MTSS1: variants seen among roughly 807,000 people sequenced by gnomAD.
The protein encoded by MTSS1 is protein MTSS 1.
MTSS1 carries 18 observed loss-of-function variants against 79.0 expected under a neutral mutation model. The ratio of observed to expected loss-of-function variants is 0.23; its 90% CI spans 0.16 to 0.34. The LOEUF (loss-of-function observed/expected upper bound fraction) is 0.34. Among genes scored for constraint, MTSS1 ranks in the 10% least tolerant of loss-of-function variants. The pLI is 1.00. For synonymous variants in MTSS1, 341 were observed against 368.6 expected (o/e 0.93, Z 0.86); for missense variants, 815 against 986.2 (o/e 0.83, Z 2.33).
chr8:124,663,104 G>A (rs1822383709), intron 3 of MTSS1, among the ~76,000 whole-genome samples: 1 of 152,130 alleles, frequency 6.6e-6, no homozygotes, highest in Non-Finnish European at 1.5e-5. Flanking sequence ...GCTGGGTTCT[G>A]GAGCCGAAAT....
At chr8:124,563,274 G>A (rs1404890752) in intron 9 of MTSS1, 3 of 445,206 alleles carry the variant, frequency 6.7e-6, no homozygotes, top group Admixed American at 3.9e-5. Flanking sequence ...GCATTCTTAC[G>A]AGGGAGGTCT....
chr8:124,602,097 A>T (rs1310086508), intron 3 of MTSS1, among the ~76,000 whole-genome samples: 1 of 150,738 alleles, frequency 6.6e-6, no homozygotes, highest in East Asian at 1.9e-4. Context: ...GCCACAGTGG[A>T]AGAGGAATTG....
intron 3 of MTSS1, among the ~76,000 whole-genome samples, chr8:124,618,022 A>G (rs1812740157): frequency 6.6e-6 from 1 of 152,172 alleles, no homozygotes; most frequent in African/African-American, 2.4e-5. Flanking sequence ...GTAAAGTATC[A>G]TGTAAGAGTA....
chr8:124,593,019 A>G (rs1248795167), intron 3 of MTSS1, among the ~76,000 whole-genome samples: 1 of 152,220 alleles, frequency 6.6e-6, no homozygotes, highest in Non-Finnish European at 1.5e-5. Context: ...TTTTATGACC[A>G]GAGTCTCTTA....
intron 3 of MTSS1, among the ~76,000 whole-genome samples, chr8:124,645,437 TC>T (rs886734604): frequency 6.6e-6 from 1 of 152,078 alleles, no homozygotes; most frequent in African/African-American, 2.4e-5. Context: ...AATATAAGGC[TC>T]CAATGAATGT....
chr8:124,592,301 C>G lies in MTSS1; in HGVS notation c.209-1066G>C, dbSNP rs71516749. On this transcript the variant is annotated intron_variant, in intron 3 of 13. Coordinates refer to ENST00000518547, the MANE Select transcript of MTSS1 (RefSeq NM_014751.6). The stretch of plus-strand genomic sequence containing the variant: ...CAGCATTTACTGGGGCGTGGGAGAG[C>G]AAATTATAACCACACATGGTAGTTC... Among the ~76,000 whole-genome samples, 661 of 152,294 alleles carry G rather than the reference C, an allele frequency of 4.3e-3. 2 individuals are homozygous for G. The highest frequency in any genetic ancestry group is 7.4e-3 in the Non-Finnish European group (503 of 68,032).
At position 124,707,570 on chromosome 8, in the gene MTSS1, G is replaced by A. The variant is rs376499595; in HGVS notation, c.73-3379C>T. On this transcript the variant is annotated intron_variant, in intron 1 of 13. Coordinates refer to ENST00000518547, the MANE Select transcript of MTSS1 (RefSeq NM_014751.6). The stretch of plus-strand genomic sequence containing the variant: ...CTAAAAATACAAAAATTAGCTGGGC[G>A]TGGTAGCAGGCACCTGTAATCCCAG... Among the ~76,000 whole-genome samples the A allele has an allele frequency of 4.6e-5, 7 of 152,210 alleles. No individual in the cohort carries two copies. The South Asian group carries it at 1.2e-3, about 27-fold the overall frequency.
intron 3 of MTSS1, among the ~76,000 whole-genome samples, chr8:124,670,671 A>G (rs1056866426): frequency 1.3e-5 from 2 of 152,174 alleles, no homozygotes; most frequent in Non-Finnish European, 2.9e-5. Context: ...CTTTCATAAC[A>G]TCATCTCATT....
chr8:124,643,368 C>A (rs979289797), intron 3 of MTSS1, among the ~76,000 whole-genome samples: 1 of 152,080 alleles, frequency 6.6e-6, no homozygotes, highest in African/African-American at 2.4e-5. Flanking sequence ...GTTGTTCCTG[C>A]AGCCACGGAA....
At chr8:124,654,985 T>C (rs7813190) in intron 3 of MTSS1, among the ~76,000 whole-genome samples, 15,754 of 152,270 alleles carry the variant, frequency 0.1, 984 homozygotes, top group African/African-American at 0.17. Context: ...TTTAATAATA[T>C]TGCTTTAATA....
At chr8:124,594,561 A>G (rs1030423711) in intron 3 of MTSS1, among the ~76,000 whole-genome samples, 2 of 150,652 alleles carry the variant, frequency 1.3e-5, no homozygotes, top group Non-Finnish European at 2.9e-5. Context: ...AAAGGAAAGG[A>G]AAGGAAAGGA....
At chr8:124,595,603 G>C (rs1196752743) in intron 3 of MTSS1, among the ~76,000 whole-genome samples, 2 of 152,124 alleles carry the variant, frequency 1.3e-5, no homozygotes, top group Non-Finnish European at 2.9e-5. Context: ...GAATCCTTGT[G>C]ATTATGTGGG....
intron 12 of MTSS1, 44 bp from the exon 13 acceptor site, chr8:124,555,948 G>GA: frequency 1.3e-6 from 2 of 1,594,762 alleles, no homozygotes; most frequent in East Asian, 2.2e-5. Context: ...TTTAGGGGGG[G>GA]GGCTCAACAG....
At chr8:124,577,826 A>G (rs1642084360) in intron 6 of MTSS1, among the ~76,000 whole-genome samples, 1 of 149,282 alleles carries the variant, frequency 6.7e-6, no homozygotes, top group Non-Finnish European at 1.5e-5. Context: ...CTCCTCAAAA[A>G]TCAATGGGGG....
intron 3 of MTSS1, among the ~76,000 whole-genome samples, chr8:124,612,133 TGA>T (rs1158328575): frequency 1.3e-5 from 2 of 152,214 alleles, no homozygotes; most frequent in Non-Finnish European, 2.9e-5. Flanking sequence ...ATCGATTTGG[TGA>T]GCATCCTACA....
intron 1 of MTSS1, among the ~76,000 whole-genome samples, chr8:124,717,169 G>A (rs183864261): frequency 3.9e-5 from 6 of 152,120 alleles, no homozygotes; most frequent in African/African-American, 1.2e-4. Flanking sequence ...CACCTCCTCT[G>A]CGAGGCCCGC....
chr8:124,691,050 G>T (rs1022740538), intron 3 of MTSS1, among the ~76,000 whole-genome samples: 1 of 152,028 alleles, frequency 6.6e-6, no homozygotes, highest in Admixed American at 6.6e-5. Context: ...ATGGGGAATC[G>T]TAAGACAAAC....
At chr8:124,588,275 T>C (rs964855261) in intron 5 of MTSS1, among the ~76,000 whole-genome samples, 4 of 152,180 alleles carry the variant, frequency 2.6e-5, no homozygotes, top group Non-Finnish European at 5.9e-5. Flanking sequence ...GAGCACCCGG[T>C]TGGGTCTTCA....
intron 12 of MTSS1, 83 bp from the exon 13 acceptor site, chr8:124,555,987 C>T (rs1385191339): frequency 2.3e-5 from 36 of 1,566,670 alleles, no homozygotes; most frequent in Non-Finnish European, 2.8e-5. Flanking sequence ...GTGAGCACTA[C>T]ATGTCTGTGG....
Sources: gnomAD v4.1 joint callset for allele counts (sites outside exome capture counted in the v4.1 genomes callset) on GRCh38, gnomAD v4.1.1 for gene constraint, MANE v1.5 for transcripts, NCBI Gene and HGNC (gene_info 2026-07-23, HGNC 2026-07-21) for gene names.